Variants in FCHO2 observed in about 807,000 individuals in gnomAD.
FCHO2 encodes the protein FCH and mu domain containing endocytic adaptor 2.
FCHO2 carries 43 observed loss-of-function variants against 114.1 expected under a neutral mutation model. The ratio of observed to expected loss-of-function variants is 0.38; its 90% CI spans 0.30 to 0.49. FCHO2 has a LOEUF of 0.49. Ranked by LOEUF, FCHO2 falls within the 20% of genes least tolerant of loss-of-function variation. FCHO2 has a pLI of 0.97. For synonymous variants in FCHO2, 293 were observed against 315.2 expected, an observed-to-expected ratio of 0.93 and a Z score of 0.75; for missense variants, 807 against 950.4, an observed-to-expected ratio of 0.85 and a Z score of 1.98.
intron 2 of FCHO2, among the ~76,000 whole-genome samples, chr5:72,976,170 A>G (rs889527472): frequency 8.5e-5 from 13 of 152,176 alleles, no homozygotes; most frequent in African/African-American, 3.1e-4. Context: ...GGCTGTTCCA[A>G]TAAGTATATA....
At chr5:72,983,319 C>T (rs1214344660) in intron 2 of FCHO2, among the ~76,000 whole-genome samples, 2 of 152,236 alleles carry the variant, frequency 1.3e-5, no homozygotes, top group South Asian at 4.2e-4. Context: ...AACCTGTCAT[C>T]TACATATCTA....
Position 73,007,302 on chromosome 5 carries a change from G to T in FCHO2, c.600+753G>T, listed in dbSNP as rs144718340. Among the ~76,000 whole-genome samples the T allele has an allele frequency of 6.7e-3, 1,026 of 152,278 alleles. 51 individuals carry two copies. The highest frequency in any genetic ancestry group is 0.065 in the Admixed American group (992 of 15,280). ...TTTACATCGTCTTCACTGTAGTCCT[G>T]AGGCTGGTGGATGAACTCCTTTTTG... On this transcript the variant is annotated intron_variant, in intron 6 of 25. Coordinates refer to ENST00000430046, the MANE Select transcript of FCHO2 (RefSeq NM_138782.3).
At chr5:73,029,767 T>A (rs1482758230) in intron 8 of FCHO2, among the ~76,000 whole-genome samples, 1 of 151,972 alleles carries the variant, frequency 6.6e-6, no homozygotes, top group African/African-American at 2.4e-5. Flanking sequence ...TCCCAGACAC[T>A]CTTAAACAAC....
At chr5:73,071,191 C>T (rs535606276) in intron 19 of FCHO2, among the ~76,000 whole-genome samples, 61 of 152,046 alleles carry the variant, frequency 4.0e-4, no homozygotes, top group Admixed American at 8.5e-4. Flanking sequence ...TATAAAAACA[C>T]GATATTTTTG....
chr5:73,059,079 T>C (rs1757730745), intron 17 of FCHO2, among the ~76,000 whole-genome samples: 1 of 152,152 alleles, frequency 6.6e-6, no homozygotes, highest in African/African-American at 2.4e-5. Context: ...GTTTTGGCAA[T>C]AATATATGAA....
intron 9 of FCHO2, 55 bp from the exon 10 acceptor site, chr5:73,037,088 A>C: frequency 8.1e-7 from 1 of 1,241,046 alleles, no homozygotes; most frequent in Non-Finnish European, 1.1e-6. Context: ...CCATAAGTTT[A>C]ATATGTTTAT....
intron 7 of FCHO2, among the ~76,000 whole-genome samples, chr5:73,016,020 T>G (rs1248117714): frequency 6.6e-6 from 1 of 152,202 alleles, no homozygotes; most frequent in Non-Finnish European, 1.5e-5. Flanking sequence ...TTTCAAGCTT[T>G]ACTATTTTTA....
intron 5 of FCHO2, among the ~76,000 whole-genome samples, chr5:73,003,325 AT>A (rs964154246): frequency 6.6e-6 from 1 of 151,964 alleles, no homozygotes; most frequent in African/African-American, 2.4e-5. Flanking sequence ...TTTTTTAAAA[AT>A]TTTTATTGTA....
At chr5:73,075,602 G>A (rs1272492727) in intron 20 of FCHO2, among the ~76,000 whole-genome samples, 2 of 152,130 alleles carry the variant, frequency 1.3e-5, no homozygotes, top group Non-Finnish European at 2.9e-5. Flanking sequence ...AATTACATGT[G>A]TTTTCAGAGG....
chr5:73,082,652 A>G, intron 23 of FCHO2, 109 bp from the exon 24 acceptor site: 1 of 840,090 alleles, frequency 1.2e-6, no homozygotes, highest in Non-Finnish European at 1.9e-6. Flanking sequence ...ACTTAGCAAT[A>G]TATTTGTTGT....
In FCHO2 at chr5:73,088,316, A is replaced by G; in HGVS notation, c.*226A>G. ...ATCAACTACAATATTCAGGAAGCAC[A>G]TTTATTCAGATTCTCAGTAAAAATG... On this transcript the variant is annotated 3_prime_UTR_variant, in exon 26 of 26. Coordinates refer to ENST00000430046, the MANE Select transcript of FCHO2 (RefSeq NM_138782.3). 3.8e-6 allele frequency: 2 copies of G among 530,076 alleles called. No individual in the cohort carries two copies. Among genetic ancestry groups the G allele is most frequent in the Admixed American group, 3.3e-5 (1 of 30,590 alleles). The allele number at this position is 530,076 out of a possible 1,614,324, so 32.8% of individuals were successfully genotyped here.
intron 1 of FCHO2, among the ~76,000 whole-genome samples, chr5:72,961,911 T>C (rs896704125): frequency 2.0e-5 from 3 of 152,192 alleles, no homozygotes; most frequent in Non-Finnish European, 4.4e-5. Context: ...CAATTTCTTA[T>C]ATGGTTTTCC....
At chr5:73,066,575 C>CTTTTTTTTTTTTTT (rs3054234) in intron 18 of FCHO2, among the ~76,000 whole-genome samples, 2 of 101,426 alleles carry the variant, frequency 2.0e-5, no homozygotes, top group Non-Finnish European at 4.0e-5. Flanking sequence ...AGTGCCTTTT[C>CTTTTTTTTTTTTTT]TTTTTTTTTT....
At chr5:72,966,622 T>A (rs949957955) in intron 1 of FCHO2, among the ~76,000 whole-genome samples, 1 of 152,260 alleles carries the variant, frequency 6.6e-6, no homozygotes, top group African/African-American at 2.4e-5. Context: ...TAATTTGTGA[T>A]ATGTAGGCAA....
chr5:73,070,565 GT>G (rs1329656282), intron 19 of FCHO2, among the ~76,000 whole-genome samples: 6,653 of 133,242 alleles, frequency 0.05, 447 homozygotes, highest in African/African-American at 0.16. Flanking sequence ...TTCGCTTTAG[GT>G]TTTTTTTTTT....
intron 2 of FCHO2, among the ~76,000 whole-genome samples, chr5:72,987,635 G>C (rs1753605422): frequency 6.6e-6 from 1 of 152,178 alleles, no homozygotes; most frequent in Non-Finnish European, 1.5e-5. Context: ...ACCGTGCCTG[G>C]CTGATTAGGG....
At chr5:73,081,496 T>C (rs1158622474) in intron 22 of FCHO2, among the ~76,000 whole-genome samples, 1 of 152,228 alleles carries the variant, frequency 6.6e-6, no homozygotes, top group Non-Finnish European at 1.5e-5. Context: ...AATGCTGATT[T>C]CTGGGCCCTG....
At chr5:72,963,805 C>T (rs968044056) in intron 1 of FCHO2, among the ~76,000 whole-genome samples, 3 of 151,910 alleles carry the variant, frequency 2.0e-5, no homozygotes, top group African/African-American at 7.3e-5. Flanking sequence ...CCTGCCTCAG[C>T]CTCCCAAAGT....
At chr5:73,083,892 CAAAAA>C (rs765390330) in intron 24 of FCHO2, among the ~76,000 whole-genome samples, 3 of 79,292 alleles carry the variant, frequency 3.8e-5, no homozygotes, top group South Asian at 5.0e-4. Flanking sequence ...GACTCTGTCT[CAAAAA>C]AAAAAAAAAA....
Sources: allele counts gnomAD v4.1 joint callset (sites outside exome capture counted in the v4.1 genomes callset), GRCh38; gene constraint gnomAD v4.1.1; transcripts MANE v1.5; gene names NCBI Gene and HGNC (gene_info 2026-07-23, HGNC 2026-07-21).